Variants in ACAT1 observed in about 807,000 individuals in gnomAD.
ACAT1 encodes the protein acetyl-CoA acetyltransferase, mitochondrial.
In ACAT1, 28 loss-of-function variants were observed where a neutral mutation model predicts 47.3. That is an observed-to-expected ratio of 0.59 (90% CI 0.44 to 0.81). ACAT1 has a LOEUF of 0.81. ACAT1 is among the 30% of genes least tolerant of loss of function. The pLI, the probability that ACAT1 is intolerant of heterozygous loss-of-function variation, is 0.00. For synonymous variants in ACAT1, 181 were observed against 173.6 expected (o/e 1.04, Z -0.34); for missense variants, 469 against 524.3 (o/e 0.89, Z 1.03).
At chr11:108,135,935 G>A in intron 5 of ACAT1, 3 of 429,500 alleles carry the variant, frequency 7.0e-6, no homozygotes, top group Non-Finnish European at 1.2e-5. Context: ...TCATTATAAA[G>A]GAGAACACGG....
At position 108,147,354 on chromosome 11, in the gene ACAT1, A is replaced by G; in HGVS notation, c.1248A>G (p.Gly416=). ...GTCTTGCCAGTATTTGCAATGGAGGAGGAGGTGCTTCTGCCATGCTAATTC... is the reference window on the plus strand; with the variant it reads ...GTCTTGCCAGTATTTGCAATGGAGGGGGAGGTGCTTCTGCCATGCTAATTC... ...EYGLASICNG[G]GGASAMLIQK... is the part of the protein sequence containing the mutation. Residue 416 remains glycine (G), a synonymous_variant, in exon 12 of 12, where the codon GGA becomes GGG. Transcript: ENST00000265838. The G allele has an allele frequency of 9.9e-6, 16 of 1,613,902 alleles. No homozygotes were observed. The highest frequency in any genetic ancestry group is 1.4e-5 in the Non-Finnish European group (16 of 1,179,882).
intron 5 of ACAT1, chr11:108,136,993 A>G (rs1301707123): frequency 1.3e-5 from 2 of 152,234 alleles, no homozygotes; most frequent in Non-Finnish European, 2.9e-5. Context: ...TAACAAGTTG[A>G]TTAATATTTA....
In ACAT1 at chr11:108,144,228, A is replaced by T. The variant is rs533040237; in HGVS notation, c.1005+181A>T. 7.9e-5 allele frequency: 53 copies of T among 666,748 alleles called. 2 individuals carry two copies. The East Asian group carries it at 1.1e-3, about 14-fold the overall frequency. 41.3% of individuals were successfully genotyped at this position (666,748 alleles called of 1,614,324 possible). A position where few individuals can be genotyped will look rare whatever the true frequency, so the allele number is the denominator to read the frequency against. ...AACAAGGATAACAAACAAAAAAAAA[A>T]AAATAAAGAACAGCTCACAAACTAC... On this transcript the variant is annotated intron_variant, in intron 10 of 11. Transcript: ENST00000265838.
At position 108,142,562 on chromosome 11, in the gene ACAT1, C is replaced by T. The variant is rs767415362; in HGVS notation, c.940+12C>T. On this transcript the variant is annotated intron_variant, in intron 9 of 11. Coordinates refer to ENST00000265838, the MANE Select transcript of ACAT1 (RefSeq NM_000019.4). ...GGCAAGAATAGTAGGTAAGGCCAGGCGAGGTGGCTCACACCTGTAATCCCA... is the reference window on the plus strand; with the variant it reads ...GGCAAGAATAGTAGGTAAGGCCAGGTGAGGTGGCTCACACCTGTAATCCCA... 23 of 1,601,772 alleles carry T rather than the reference C, an allele frequency of 1.4e-5. No individual in the cohort carries two copies. Among genetic ancestry groups the T allele is most frequent in the African/African-American group, 2.7e-5 (2 of 74,642 alleles).
At chr11:108,134,167 C>T in intron 3 of ACAT1, 54 bp from the exon 4 acceptor site, 1 of 1,480,040 alleles carries the variant, frequency 6.8e-7, no homozygotes, top group South Asian at 1.2e-5. Context: ...TAGGTAATCA[C>T]TGATTATTAA....
upstream of ACAT1, among the ~76,000 whole-genome samples, chr11:108,120,514 C>A (rs926682326): frequency 1.3e-5 from 2 of 150,526 alleles, no homozygotes; most frequent in Admixed American, 6.7e-5. Flanking sequence ...GTACTCCAGA[C>A]TGGGTGACAA....
chr11:108,121,117 C>A (rs151222093), upstream of ACAT1, among the ~76,000 whole-genome samples: 304 of 151,752 alleles, frequency 2.0e-3, 1 homozygote, highest in African/African-American at 7.1e-3. Flanking sequence ...GGGAGGATCG[C>A]TTGAGCCCTG....
intron 10 of ACAT1, 158 bp from the exon 11 acceptor site, chr11:108,146,044 G>GAA: frequency 1.1e-4 from 62 of 583,026 alleles, no homozygotes; most frequent in Non-Finnish European, 1.5e-4. Context: ...AAGACTGTTG[G>GAA]AAAAAAAAAA....
intron 2 of ACAT1, among the ~76,000 whole-genome samples, 164 bp downstream of exon 2, chr11:108,132,118 T>C (rs1382236539): frequency 6.6e-6 from 1 of 152,192 alleles, no homozygotes; most frequent in East Asian, 1.9e-4. Context: ...ATGACTATAA[T>C]AGAAAAACAT....
upstream of ACAT1, chr11:108,121,380 T>C (rs2077144055): frequency 3.4e-6 from 2 of 595,132 alleles, no homozygotes; most frequent in Admixed American, 5.7e-5. Context: ...CCAGCGCCAG[T>C]GTCTCCATCC....
intron 5 of ACAT1, 25 bp downstream of exon 5, chr11:108,135,267 T>G: frequency 6.5e-7 from 1 of 1,535,244 alleles, no homozygotes; most frequent in Non-Finnish European, 9.0e-7. Context: ...CCTTCCCATT[T>G]ATTAATCAGA....
At chr11:108,122,061 T>C in intron 1 of ACAT1, 1 of 316,468 alleles carries the variant, frequency 3.2e-6, no homozygotes, top group Non-Finnish European at 5.9e-6. Context: ...TTAAAACATA[T>C]TTGTGTGCGT....
chr11:108,128,229 AGAG>A (rs1354309411), intron 1 of ACAT1, among the ~76,000 whole-genome samples: 1 of 152,240 alleles, frequency 6.6e-6, no homozygotes, highest in African/African-American at 2.4e-5. Context: ...TGAACTGTAA[AGAG>A]GAGGTGAGGA....
chr11:108,128,868 G>C (rs866418164), intron 1 of ACAT1: 3 of 152,330 alleles, frequency 2.0e-5, no homozygotes, highest in Middle Eastern at 3.4e-3. Flanking sequence ...TAGCTAAGTA[G>C]AAAGGGGACT....
intron 2 of ACAT1, among the ~76,000 whole-genome samples, chr11:108,132,637 G>A (rs1005791425): frequency 2.0e-5 from 3 of 150,770 alleles, no homozygotes; most frequent in East Asian, 2.0e-4. Flanking sequence ...GGTGGATCAC[G>A]AGGTCAGGAG....
chr11:108,126,834 C>T (rs2077258292), intron 1 of ACAT1, among the ~76,000 whole-genome samples: 1 of 147,072 alleles, frequency 6.8e-6, no homozygotes, highest in Non-Finnish European at 1.5e-5. Context: ...TCTCTGTCAC[C>T]CAGGCTGGAG....
chr11:108,134,093 G>C (rs2077413932), intron 3 of ACAT1, 128 bp from the exon 4 acceptor site: 4 of 1,167,818 alleles, frequency 3.4e-6, no homozygotes, highest in Non-Finnish European at 5.0e-6. Flanking sequence ...ATACAGTTTA[G>C]ATTGAAACTC....
intron 9 of ACAT1, chr11:108,143,317 G>C (rs1257409075): frequency 6.6e-6 from 1 of 151,998 alleles, no homozygotes; most frequent in Non-Finnish European, 1.5e-5. Context: ...AAAACTTCCT[G>C]TCCTGTATGA....
chr11:108,146,065 TAG>T (rs1422384855), intron 10 of ACAT1, 135 bp from the exon 11 acceptor site: 6 of 820,454 alleles, frequency 7.3e-6, no homozygotes, highest in Middle Eastern at 3.8e-4. Context: ...AATCTGAAAA[TAG>T]AGATCCTTCC....
Sources: gnomAD v4.1 joint callset for allele counts (sites outside exome capture counted in the v4.1 genomes callset) on GRCh38, gnomAD v4.1.1 for gene constraint, MANE v1.5 for transcripts, NCBI Gene and HGNC (gene_info 2026-07-23, HGNC 2026-07-21) for gene names.